Variants in GRID2IP observed in about 807,000 individuals in gnomAD.
The protein encoded by GRID2IP is Grid2 interacting protein.
In GRID2IP, 78 loss-of-function variants were observed where a neutral mutation model predicts 114.3. The observed-to-expected ratio is 0.68, with a 90% CI of 0.57 to 0.82. The LOEUF (loss-of-function observed/expected upper bound fraction) is 0.82, where lower values mean the gene tolerates loss of function less well. GRID2IP is among the 40% of genes least tolerant of loss of function. GRID2IP has a pLI of 0.00. For synonymous variants in GRID2IP, 809 were observed against 724.0 expected (o/e 1.12, Z -1.89); for missense variants, 1,727 against 1,678.5 (o/e 1.03, Z -0.51).
intron 8 of GRID2IP, among the ~76,000 whole-genome samples, chr7:6,512,248 T>TTTTTTTTTTTTTTTG (rs1243925277): frequency 2.8e-5 from 4 of 145,396 alleles, no homozygotes; most frequent in African/African-American, 7.7e-5. Context: ...TTTTTTTTTT[T>TTTTTTTTTTTTTTTG]TGTGACAGGT....
Position 6,536,712 on chromosome 7 carries a change from C to A in GRID2IP, c.584+3006G>T, listed in dbSNP as rs1026597891. 2 of 683,242 alleles carry A rather than the reference C, an allele frequency of 2.9e-6. No homozygotes were observed. Among genetic ancestry groups the A allele is most frequent in the Non-Finnish European group, 5.4e-6 (2 of 372,576 alleles). The allele number at this position is 683,242 out of a possible 1,614,324, so 42.3% of individuals were successfully genotyped here. A position where few individuals can be genotyped will look rare whatever the true frequency, so the allele number is the denominator to read the frequency against. ...ACGGGGGGCTGCCTGTCAATCAGCT[C>A]CCCAGGAAGCGCTCAGAGCCAGCGC... On this transcript the variant is annotated intron_variant, in intron 2 of 21. Coordinates refer to ENST00000457091, the MANE Select transcript of GRID2IP (RefSeq NM_001145118.2). This position sits in a 1 kb window ranked among gnomAD's most constrained non-coding sequence, Gnocchi z 5.3.
Position 6,539,636 on chromosome 7 carries a change from G to T in GRID2IP, c.584+82C>A, listed in dbSNP as rs1244829644. 5 of 1,312,638 alleles carry T rather than the reference G, an allele frequency of 3.8e-6. No homozygotes were observed. The South Asian group carries it at 6.1e-5, about 16-fold the overall frequency. The allele number at this position is 1,312,638 out of a possible 1,614,324, so 81.3% of individuals were successfully genotyped here. ...ATTATCTCCCACCTGGGCTGGAAGGGGTGCCTGGGGTGGTTGTGAGGGAAT... is the reference window on the plus strand; with the variant it reads ...ATTATCTCCCACCTGGGCTGGAAGGTGTGCCTGGGGTGGTTGTGAGGGAAT... On this transcript the variant is annotated intron_variant, in intron 2 of 21. Transcript: ENST00000457091.
rs1033129487 is a variant in GRID2IP, at chr7:6,521,422, G to A, written c.1084+7C>T. 2.0e-6 allele frequency: 3 copies of A among 1,534,262 alleles called. No individual in the cohort carries two copies. Among genetic ancestry groups the A allele is most frequent in the South Asian group, 2.5e-5 (2 of 81,324 alleles). Reference sequence around the variant, plus strand: ...CCAAGGAAGCCAAGTGTCCATGGGGGTCTCACCACTGGCAAATGGGACGAG... The same window carrying A: ...CCAAGGAAGCCAAGTGTCCATGGGGATCTCACCACTGGCAAATGGGACGAG... On this transcript the variant is annotated splice_region_variant and intron_variant, in intron 6 of 21. Transcript: ENST00000457091. The surrounding 1 kb of genome is among the most constrained non-coding windows in gnomAD (Gnocchi z 4.1).
In GRID2IP at chr7:6,534,713, C is replaced by CT. The variant is rs576933518; in HGVS notation, c.584+5004dup. Reference sequence around the variant, plus strand: ...TTTATCAAATATTAATTACATTTAACTTTTTTTTTTTTGGAACAGAGTCTG... The same window carrying CT: ...TTTATCAAATATTAATTACATTTAACTTTTTTTTTTTTTGGAACAGAGTCTG... On this transcript the variant is annotated intron_variant, in intron 2 of 21. Coordinates refer to ENST00000457091, the MANE Select transcript of GRID2IP (RefSeq NM_001145118.2). The surrounding 1 kb of genome is among the most constrained non-coding windows in gnomAD (Gnocchi z 4.5). Among the ~76,000 whole-genome samples the CT allele has an allele frequency of 0.047, 6,895 of 147,428 alleles. 185 individuals carry two copies. Among genetic ancestry groups the CT allele is most frequent in the African/African-American group, 0.076 (3,091 of 40,500 alleles).
chr7:6,516,052 G>A lies in GRID2IP; in HGVS notation c.1269-1523C>T, dbSNP rs968029486. 9.2e-5 allele frequency among the ~76,000 whole-genome samples: 14 copies of A among 152,042 alleles called. No homozygotes were observed. The highest frequency in any genetic ancestry group is 1.9e-4 in the Non-Finnish European group (13 of 67,988). ...GTGGAGGTTGCAGTGAGCTGAGATC[G>A]CGCCATTGCACTCCAGCCTGGGTGA... On this transcript the variant is annotated intron_variant, in intron 7 of 21. Coordinates refer to ENST00000457091, the MANE Select transcript of GRID2IP (RefSeq NM_001145118.2). The surrounding 1 kb of genome is among the most constrained non-coding windows in gnomAD (Gnocchi z 4.3).
intron 4 of GRID2IP, among the ~76,000 whole-genome samples, chr7:6,522,807 ATGTGTGTGTGTGTG>A (rs72277817): frequency 6.8e-6 from 1 of 147,574 alleles, no homozygotes; most frequent in African/African-American, 2.5e-5. Context: ...CCTGGCTAAT[ATGTGTGTGTGTGTG>A]TGTGTGTGTG....
Position 6,505,887 on chromosome 7 carries a change from G to A in GRID2IP, c.2565C>T (p.Tyr855=), listed in dbSNP as rs1397817518. 1.5e-5 allele frequency: 23 copies of A among 1,551,748 alleles called. No homozygotes were observed. The highest frequency in any genetic ancestry group is 1.6e-5 in the Non-Finnish European group (18 of 1,146,852). Residue 855 remains tyrosine (Y), a synonymous_variant, in exon 14 of 22, where the codon TAC becomes TAT. Coordinates refer to ENST00000457091, the MANE Select transcript of GRID2IP (RefSeq NM_001145118.2). ...ATTTCACCATGTCACTCAGCTTATC[G>A]TAGTCAGAGTCTTCCCCGAGCTGCG... ...IWGQLGEDSD[Y]DKLSDMVKYL...
In GRID2IP at chr7:6,502,998, G is replaced by A. The variant is rs1181776151; in HGVS notation, c.3063+10C>T. The A allele has an allele frequency of 3.2e-6, 5 of 1,551,298 alleles. No individual in the cohort carries two copies. The highest frequency in any genetic ancestry group is 2.7e-5 in the African/African-American group (2 of 73,034). The stretch of plus-strand genomic sequence containing the variant: ...GCAGATAGGGTGCCAGGAAGGGTAC[G>A]CCCACTGACCTCCAGGATCTTGGCG... On this transcript the variant is annotated intron_variant, in intron 17 of 21. Transcript: ENST00000457091.
chr7:6,502,650 C>A, intron 18 of GRID2IP, 136 bp downstream of exon 18: 1 of 369,182 alleles, frequency 2.7e-6, no homozygotes. Flanking sequence ...TTCAATGTGG[C>A]CCTTTTCCTG....
At chr7:6,535,713 T>G (rs1779713074) in intron 2 of GRID2IP, among the ~76,000 whole-genome samples, 1 of 152,002 alleles carries the variant, frequency 6.6e-6, no homozygotes, top group Non-Finnish European at 1.5e-5. Context: ...CTTAAAAAAA[T>G]TAAACCTTGT....
rs1267386547 is a variant in GRID2IP, at chr7:6,551,372, C to T, written c.65G>A (p.Gly22Asp). Residue 22 changes from glycine (G) to aspartate (D), a missense_variant, in exon 1 of 22, where the codon GGT becomes GAT. Gly to Asp is a moderately conservative substitution (Grantham distance 94). Coordinates refer to ENST00000457091, the MANE Select transcript of GRID2IP (RefSeq NM_001145118.2). Reference sequence around the variant, plus strand: ...CAGGACGAAGCAGGGGCCAGAGCCACCTAGCCGGAAGCCAAAGTCCTCTGG... The same window carrying T: ...CAGGACGAAGCAGGGGCCAGAGCCATCTAGCCGGAAGCCAAAGTCCTCTGG... ...GWPEDFGFRL[G>D]GSGPCFVLEV... 6.5e-7 allele frequency: 1 copy of T among 1,548,694 alleles called. No individual in the cohort carries two copies. Among genetic ancestry groups the T allele is most frequent in the Non-Finnish European group, 8.7e-7 (1 of 1,146,232 alleles).
Position 6,536,916 on chromosome 7 carries a change from CG to C in GRID2IP, c.584+2801del. On this transcript the variant is annotated intron_variant, in intron 2 of 21. Coordinates refer to ENST00000457091, the MANE Select transcript of GRID2IP (RefSeq NM_001145118.2). This position sits in a 1 kb window ranked among gnomAD's most constrained non-coding sequence, Gnocchi z 5.3. Reference sequence around the variant, plus strand: ...AGAGCTGCGCCGGGGCTGGGGTGGGCGGGGGGGCGGCGGGGAGGGTGGCCAG... The same window carrying C: ...AGAGCTGCGCCGGGGCTGGGGTGGGCGGGGGGCGGCGGGGAGGGTGGCCAG... The C allele has an allele frequency of 3.7e-4, 10 of 27,060 alleles. No individual in the cohort carries two copies. The highest frequency in any genetic ancestry group is 1.0e-3 in the South Asian group (3 of 2,908). 1.7% of individuals were successfully genotyped at this position (27,060 alleles called of 1,614,324 possible). A position where few individuals can be genotyped will look rare whatever the true frequency, so the allele number is the denominator to read the frequency against.
At chr7:6,542,306 C>CAAAA (rs56154707) in intron 1 of GRID2IP, among the ~76,000 whole-genome samples, 11 of 95,138 alleles carry the variant, frequency 1.2e-4, no homozygotes, top group African/African-American at 1.9e-4. Flanking sequence ...AACTCCATCT[C>CAAAA]AAAAAAAAAA....
rs1296403208 is a variant in GRID2IP, at chr7:6,520,552, C to T, written c.1268+26G>A. Reference sequence around the variant, plus strand: ...GACTTAGGGCCCACCCAGGGCAGGGCCCCACCGCGGCTTTGGCCCGGCCAC... The same window carrying T: ...GACTTAGGGCCCACCCAGGGCAGGGTCCCACCGCGGCTTTGGCCCGGCCAC... On this transcript the variant is annotated intron_variant, in intron 7 of 21. Transcript: ENST00000457091. The surrounding 1 kb of genome is among the most constrained non-coding windows in gnomAD (Gnocchi z 4.6). 1.9e-6 allele frequency: 3 copies of T among 1,544,392 alleles called. No individual in the cohort carries two copies. Among genetic ancestry groups the T allele is most frequent in the Admixed American group, 2.0e-5 (1 of 50,820 alleles).
intron 4 of GRID2IP, among the ~76,000 whole-genome samples, chr7:6,522,642 C>T (rs1779433409): frequency 3.3e-5 from 5 of 151,796 alleles, no homozygotes; most frequent in Admixed American, 2.6e-4. Context: ...CGCACCACCA[C>T]TCCGGGCTAA....
chr7:6,512,228 C>CTTTTTTTTTT (rs1779186312), intron 8 of GRID2IP, among the ~76,000 whole-genome samples: 2 of 63,860 alleles, frequency 3.1e-5, no homozygotes, highest in Non-Finnish European at 7.6e-5. Context: ...TTTTTCTTTT[C>CTTTTTTTTTT]TTCTTTTTTT....
rs1426820773 is a variant in GRID2IP at position 6,528,551 on chromosome 7, C to T, written c.585-1782G>A. 6.6e-6 allele frequency among the ~76,000 whole-genome samples: 1 copy of T among 152,200 alleles called. No homozygotes were observed. The highest frequency in any genetic ancestry group is 1.5e-5 in the Non-Finnish European group (1 of 68,032). ...GCATCCCAAGGCCCCCTTCCCTGTT[C>T]CTTGTACCAGGTGCCAGGGCCAAGG... On this transcript the variant is annotated intron_variant, in intron 2 of 21. Coordinates refer to ENST00000457091, the MANE Select transcript of GRID2IP (RefSeq NM_001145118.2). The surrounding 1 kb of genome is among the most constrained non-coding windows in gnomAD (Gnocchi z 6.0).
intron 20 of GRID2IP, 78 bp from the exon 21 acceptor site, chr7:6,498,306 C>T: frequency 7.4e-7 from 1 of 1,352,734 alleles, no homozygotes; most frequent in Non-Finnish European, 9.9e-7. Context: ...CAGACAGGTC[C>T]CTAGCAGCCC....
At chr7:6,510,474 G>A (rs1484963076) in intron 10 of GRID2IP, 74 bp from the exon 11 acceptor site, 2 of 1,350,664 alleles carry the variant, frequency 1.5e-6, no homozygotes, top group Non-Finnish European at 2.0e-6. Flanking sequence ...GGCCTGGGTG[G>A]GCCGGGAGGC....
Sources: gnomAD v4.1 joint callset for allele counts (sites outside exome capture counted in the v4.1 genomes callset) on GRCh38, gnomAD v4.1.1 for gene constraint, Gnocchi (gnomAD v3.1) non-coding constraint, MANE v1.5 for transcripts, NCBI Gene and HGNC (gene_info 2026-07-23, HGNC 2026-07-21) for gene names.